The following PMFBP1 variants were observed in gnomAD, a reference collection of about 807,000 sequenced individuals.
The protein encoded by PMFBP1 is polyamine-modulated factor 1-binding protein 1.
PMFBP1 carries 131 observed loss-of-function variants against 137.8 expected under a neutral mutation model. The ratio of observed to expected loss-of-function variants is 0.95; its 90% CI spans 0.82 to 1.10. PMFBP1 has a LOEUF of 1.10. Ranked by LOEUF, PMFBP1 falls within the 50% of genes least tolerant of loss-of-function variation. PMFBP1 has a pLI of 0.00. For synonymous variants in PMFBP1, 490 were observed against 450.4 expected, an observed-to-expected ratio of 1.09 and a Z score of -1.11; for missense variants, 1,199 against 1,175.4, an observed-to-expected ratio of 1.02 and a Z score of -0.29.
chr16:72,222,974 A>G, the PMFBP1 span, among the ~76,000 whole-genome samples: 4 of 152,122 alleles, frequency 2.6e-5, no homozygotes, highest in Admixed American at 2.0e-4. Context: ...GGCTCTTTCA[A>G]ATAAAAAGGG....
intron 4 of PMFBP1, among the ~76,000 whole-genome samples, chr16:72,152,099 T>G (rs1341849342): frequency 4.6e-5 from 7 of 152,240 alleles, no homozygotes; most frequent in Non-Finnish European, 1.0e-4. Context: ...CTTGCTCATG[T>G]GCATGCAGGA....
intron 2 of PMFBP1, among the ~76,000 whole-genome samples, chr16:72,168,905 G>C (rs527774511): frequency 6.6e-6 from 1 of 152,184 alleles, no homozygotes; most frequent in Admixed American, 6.5e-5. Context: ...AAAAAGCATG[G>C]TATCTCAAAC....
At chr16:72,233,535 CT>C in the PMFBP1 span, among the ~76,000 whole-genome samples, 1 of 152,044 alleles carries the variant, frequency 6.6e-6, no homozygotes, top group East Asian at 1.9e-4. Context: ...TACTATTGTC[CT>C]TCATTATTTC....
chr16:72,211,026 T>C, the PMFBP1 span, among the ~76,000 whole-genome samples: 2 of 152,130 alleles, frequency 1.3e-5, no homozygotes, highest in African/African-American at 2.4e-5. Flanking sequence ...TGGCAAGGGA[T>C]GGTTTTATCA....
intron 14 of PMFBP1, among the ~76,000 whole-genome samples, chr16:72,127,776 T>A (rs2042483933): frequency 6.6e-6 from 1 of 152,242 alleles, no homozygotes; most frequent in Non-Finnish European, 1.5e-5. Flanking sequence ...TCTCTCACAT[T>A]CATTCCATCA....
At chr16:72,188,139 C>T in the PMFBP1 span, among the ~76,000 whole-genome samples, 1 of 152,196 alleles carries the variant, frequency 6.6e-6, no homozygotes, top group Non-Finnish European at 1.5e-5. Context: ...TTGGTCATTT[C>T]ATTACTGCTT....
chr16:72,225,300 C>T, the PMFBP1 span, among the ~76,000 whole-genome samples: 1 of 152,160 alleles, frequency 6.6e-6, no homozygotes, highest in African/African-American at 2.4e-5. Context: ...CCATGCTGGT[C>T]ATGCACAAGA....
chr16:72,203,599 CA>C, the PMFBP1 span, among the ~76,000 whole-genome samples: 1 of 152,078 alleles, frequency 6.6e-6, no homozygotes, highest in Admixed American at 6.6e-5. Context: ...ATGGTTGTGT[CA>C]GGGTTTTCTG....
the PMFBP1 span, among the ~76,000 whole-genome samples, chr16:72,230,546 TG>T: frequency 6.6e-6 from 1 of 152,186 alleles, no homozygotes; most frequent in African/African-American, 2.4e-5. Flanking sequence ...CGCTCAAAGC[TG>T]GATCCATCCC....
chr16:72,132,095 T>G (rs557361141), intron 10 of PMFBP1, among the ~76,000 whole-genome samples: 88 of 152,316 alleles, frequency 5.8e-4, no homozygotes, highest in Non-Finnish European at 1.1e-3. Context: ...TCCGCCCACC[T>G]TGGCCTCCAA....
At position 72,164,509 on chromosome 16, in the gene PMFBP1, C is replaced by T. The variant is rs1249008569; in HGVS notation, c.165+255G>A. On this transcript the variant is annotated intron_variant, in intron 3 of 20. Transcript: ENST00000237353. ...GAGCTGTAAATACAGGTGTGAAAGGCCAGATAAGGAAAACATCGTGCCTAG... is the reference window on the plus strand; with the variant it reads ...GAGCTGTAAATACAGGTGTGAAAGGTCAGATAAGGAAAACATCGTGCCTAG... 5 of 1,421,640 alleles carry T rather than the reference C, an allele frequency of 3.5e-6. No individual in the cohort carries two copies. In the Admixed American group the frequency reaches 8.2e-5, roughly 23 times the overall value. The allele number at this position is 1,421,640 out of a possible 1,614,324, so 88.1% of individuals were successfully genotyped here.
chr16:72,130,527 G>T lies in PMFBP1; in HGVS notation c.1637+6C>A. On this transcript the variant is annotated splice_donor_region_variant and intron_variant, in intron 11 of 20. Coordinates refer to ENST00000237353, the MANE Select transcript of PMFBP1 (RefSeq NM_031293.3). ...TCTCTCTGGAGGGGAGCCTGAGCCT[G>T]GGCACCTGTTGGAGGTTTGTTCCTT... The T allele has an allele frequency of 1.2e-6, 2 of 1,613,968 alleles. No homozygotes were observed. The highest frequency in any genetic ancestry group is 8.5e-7 in the Non-Finnish European group (1 of 1,179,938).
chr16:72,247,381 A>C, the PMFBP1 span, among the ~76,000 whole-genome samples: 1 of 152,234 alleles, frequency 6.6e-6, no homozygotes, highest in Admixed American at 6.5e-5. Context: ...CTTGCAAAAT[A>C]ATAAGCTTCA....
chr16:72,136,916 C>A, intron 7 of PMFBP1, 97 bp from the exon 8 acceptor site: 1 of 1,528,258 alleles, frequency 6.5e-7, no homozygotes, highest in Non-Finnish European at 8.9e-7. Flanking sequence ...TAAGTAGGGA[C>A]AAAGTAGCAG....
At position 72,130,372 on chromosome 16, in the gene PMFBP1, C is replaced by T. The variant is rs1260542291; in HGVS notation, c.1638-15G>A. 6 of 1,614,144 alleles carry T rather than the reference C, an allele frequency of 3.7e-6. No homozygotes were observed. Among genetic ancestry groups the T allele is most frequent in the Admixed American group, 1.7e-5 (1 of 60,018 alleles). ...CCACCCGTTTTCTAAAGCAAAATAA[C>T]AGCCACAGGAGGACAGACTTCAGTG... On this transcript the variant is annotated splice_polypyrimidine_tract_variant and intron_variant, in intron 11 of 20. Coordinates refer to ENST00000237353, the MANE Select transcript of PMFBP1 (RefSeq NM_031293.3).
the PMFBP1 span, among the ~76,000 whole-genome samples, chr16:72,187,589 G>T: frequency 6.6e-6 from 1 of 152,104 alleles, no homozygotes; most frequent in African/African-American, 2.4e-5. Context: ...TTCCTATAGC[G>T]GTTCTTCAGT....
intron 3 of PMFBP1, among the ~76,000 whole-genome samples, chr16:72,161,486 T>A (rs570190823): frequency 1.6e-4 from 24 of 152,174 alleles, no homozygotes; most frequent in Non-Finnish European, 2.6e-4. Context: ...TTAAGTGACA[T>A]GAATTAATTT....
the PMFBP1 span, among the ~76,000 whole-genome samples, chr16:72,209,327 C>T: frequency 2.0e-5 from 3 of 152,134 alleles, no homozygotes; most frequent in Non-Finnish European, 4.4e-5. Context: ...TGTTTTCTTA[C>T]TTTTATTTTA....
chr16:72,145,615 A>G (rs1478986618), intron 5 of PMFBP1, among the ~76,000 whole-genome samples: 1 of 152,202 alleles, frequency 6.6e-6, no homozygotes, highest in Non-Finnish European at 1.5e-5. Context: ...AAGATCAACA[A>G]AATAGATAGA....
Sources: allele counts gnomAD v4.1 joint callset (sites outside exome capture counted in the v4.1 genomes callset), GRCh38; gene constraint gnomAD v4.1.1; transcripts MANE v1.5; gene names NCBI Gene and HGNC (gene_info 2026-07-23, HGNC 2026-07-21).